The following METTL6 variants were observed in gnomAD, a reference collection of about 807,000 sequenced individuals.
METTL6 encodes the protein tRNA N(3)-cytidine methyltransferase METTL6.
In METTL6, 22 loss-of-function variants were observed where a neutral mutation model predicts 26.4. The ratio of observed to expected loss-of-function variants is 0.83; its 90% CI spans 0.59 to 1.19. The LOEUF is 1.19. Among genes scored for constraint, METTL6 ranks in the 50% most tolerant of loss-of-function variants. METTL6 has a pLI of 0.00. For synonymous variants in METTL6, 109 were observed against 116.2 expected (o/e 0.94, Z 0.40); for missense variants, 304 against 324.8 (o/e 0.94, Z 0.49).
intron 3 of METTL6, among the ~76,000 whole-genome samples, chr3:15,422,731 T>C (rs1044182851): frequency 3.9e-5 from 6 of 152,226 alleles, no homozygotes; most frequent in African/African-American, 1.4e-4. Flanking sequence ...ATACTTGCAA[T>C]GTCACCAAAG....
Position 15,415,812 on chromosome 3 carries a change from T to A in METTL6, c.491A>T (p.His164Leu), listed in dbSNP as rs1700179685. 6.2e-7 allele frequency: 1 copy of A among 1,614,012 alleles called. No homozygotes were observed. Among genetic ancestry groups the A allele is most frequent in the Non-Finnish European group, 8.5e-7 (1 of 1,180,026 alleles). ...TAAGACAAGGTGCATCTTATCAGGA[T>A]GAACAGCTGACAGCACAAATATCAA... ...VMLIFVLSAV[H>L]PDKMHLVLQN... The change falls in exon 4 of 6, where the codon CAT becomes CTT. Residue 164 changes from histidine to leucine, a missense_variant. Physicochemically the swap from His to Leu is moderately conservative, Grantham distance 99 (BLOSUM62 -3). Coordinates refer to ENST00000383790, the MANE Select transcript of METTL6 (RefSeq NM_152396.4).
Position 15,426,649 on chromosome 3 carries a change from A to C in METTL6, c.-124-14T>G, listed in dbSNP as rs1370652623. ...CAGCACAGGGGGCTTCGCAGAGAAA[A>C]GAATTAGATTCTGGTTAGTGGTTAC... On this transcript the variant is annotated splice_polypyrimidine_tract_variant and intron_variant, in intron 1 of 5. Coordinates refer to ENST00000383790, the MANE Select transcript of METTL6 (RefSeq NM_152396.4). 1 of 738,396 alleles carries C rather than the reference A, an allele frequency of 1.4e-6. No individual in the cohort carries two copies. The highest frequency in any genetic ancestry group is 1.8e-5 in the African/African-American group (1 of 56,538). 45.7% of individuals were successfully genotyped at this position (738,396 alleles called of 1,614,324 possible).
downstream of METTL6, among the ~76,000 whole-genome samples, chr3:15,409,744 G>T (rs1273602261): frequency 6.6e-6 from 1 of 152,178 alleles, no homozygotes; most frequent in Admixed American, 6.5e-5. Flanking sequence ...TCAACAATCA[G>T]ATATGGAGCC....
At position 15,410,291 on chromosome 3, in the gene METTL6, G is replaced by A. The variant is rs944535437; in HGVS notation, c.*965C>T. 1.3e-5 allele frequency among the ~76,000 whole-genome samples: 2 copies of A among 151,870 alleles called. No homozygotes were observed. Among genetic ancestry groups the A allele is most frequent in the South Asian group, 2.1e-4 (1 of 4,824 alleles). On this transcript the variant is annotated 3_prime_UTR_variant, in exon 6 of 6. Coordinates refer to ENST00000383790, the MANE Select transcript of METTL6 (RefSeq NM_152396.4). ...AAAAGAACAACTTTAACAATATACC[G>A]TAATAAAAGTTATGTGAATGTGATC...
At chr3:15,408,145 T>A (rs914432736), downstream of METTL6, among the ~76,000 whole-genome samples, 1 of 152,176 alleles carries the variant, frequency 6.6e-6, no homozygotes, top group East Asian at 1.9e-4. Context: ...ATTTTAAAAA[T>A]AGAAGAAAAA....
chr3:15,427,501 A>G lies in METTL6; in HGVS notation c.-224T>C, dbSNP rs539896651. ...GGACCACGAATTCGGATTATCCGGGAGTTCTTTTGCCATGGCACCGCCCCC... is the reference window on the plus strand; with the variant it reads ...GGACCACGAATTCGGATTATCCGGGGGTTCTTTTGCCATGGCACCGCCCCC... On this transcript the variant is annotated 5_prime_UTR_variant, in exon 1 of 6. Transcript: ENST00000383790. 9 of 498,674 alleles carry G rather than the reference A, an allele frequency of 1.8e-5. No individual in the cohort carries two copies. The highest frequency in any genetic ancestry group is 1.8e-4 in the African/African-American group (9 of 50,018). The allele number at this position is 498,674 out of a possible 1,614,324, so 30.9% of individuals were successfully genotyped here.
At chr3:15,414,357 C>CTT (rs72324883) in intron 4 of METTL6, 195 bp from the exon 5 acceptor site, 754 of 1,115,846 alleles carry the variant, frequency 6.8e-4, no homozygotes, top group South Asian at 1.8e-3. Context: ...TAAGACACTT[C>CTT]TTTTTTTTTT....
exon 7 of METTL6, chr3:15,383,254 T>C (rs1440783019): frequency 6.6e-6 from 1 of 152,228 alleles, no homozygotes; most frequent in Non-Finnish European, 1.5e-5. Context: ...TAAGTTTTTA[T>C]TCCATTTCTC....
At chr3:15,397,520 G>A (rs1699524363) in intron 6 of METTL6, among the ~76,000 whole-genome samples, 1 of 152,080 alleles carries the variant, frequency 6.6e-6, no homozygotes, top group Non-Finnish European at 1.5e-5. Context: ...AATCCCCAGT[G>A]AGATGCACCC....
At chr3:15,383,237 C>A (rs936435187) in exon 7 of METTL6, 3 of 152,158 alleles carry the variant, frequency 2.0e-5, no homozygotes, top group Non-Finnish European at 2.9e-5. Flanking sequence ...CCAAGGAAAA[C>A]AATTACTAAG....
rs530191034 is a variant in METTL6, at chr3:15,395,443, CTCTT to C, written c.*12-11260_*12-11257del. ...AATACAGCAGACTGATGGGTCTTGA[CTCTT>C]TATCCAATTTGCCACTCTGGGTCTT... On this transcript the variant is annotated intron_variant, in intron 6 of 6. Transcript: ENST00000443029. Among the ~76,000 whole-genome samples, 56 of 152,278 alleles carry C rather than the reference CTCTT, an allele frequency of 3.7e-4. 1 individual carries two copies. In the South Asian group the frequency reaches 0.011, roughly 31 times the overall value.
intron 3 of METTL6, among the ~76,000 whole-genome samples, chr3:15,422,168 AT>A (rs1249400296): frequency 5.9e-5 from 9 of 151,888 alleles, no homozygotes; most frequent in African/African-American, 1.9e-4. Context: ...CTACAAAAAA[AT>A]AAAACAATTA....
rs898803995 is a variant in METTL6 at position 15,413,658 on chromosome 3, T to C, written c.673+363A>G. On this transcript the variant is annotated intron_variant, in intron 5 of 5. Transcript: ENST00000383790. ...CTGACTTTGTGCCATGGGAAAGTAA[T>C]CTCAAGGCATTATACTGTCAAATTT... 2.5e-6 allele frequency: 3 copies of C among 1,187,504 alleles called. No homozygotes were observed. In the African/African-American group the frequency reaches 4.8e-5, roughly 19 times the overall value. 73.6% of individuals were successfully genotyped at this position (1,187,504 alleles called of 1,614,324 possible). A position where few individuals can be genotyped will look rare whatever the true frequency, so the allele number is the denominator to read the frequency against.
intron 2 of METTL6, 86 bp from the exon 3 acceptor site, chr3:15,425,175 G>A (rs1156457662): frequency 2.1e-6 from 3 of 1,418,090 alleles, no homozygotes; most frequent in Non-Finnish European, 2.9e-6. Context: ...AATATGAGAG[G>A]TCTCCGACCC....
Position 15,395,769 on chromosome 3 carries a change from G to T in METTL6, c.*12-11582C>A, listed in dbSNP as rs1217795128. ...TCACTTATGAAGTTTAGTTTGGCTGGATATGAAATTCTGGGTTGAAAATTC... is the reference window on the plus strand; with the variant it reads ...TCACTTATGAAGTTTAGTTTGGCTGTATATGAAATTCTGGGTTGAAAATTC... On this transcript the variant is annotated intron_variant, in intron 6 of 6. Transcript: ENST00000443029. Among the ~76,000 whole-genome samples, 3 of 152,084 alleles carry T rather than the reference G, an allele frequency of 2.0e-5. No homozygotes were observed. The East Asian group carries it at 5.8e-4, about 29-fold the overall frequency.
intron 4 of METTL6, chr3:15,414,385 T>C: frequency 8.1e-7 from 1 of 1,229,398 alleles, no homozygotes; most frequent in African/African-American, 1.6e-5. Context: ...AGATGGAGTC[T>C]TGCTCTGTCG....
intron 6 of METTL6, among the ~76,000 whole-genome samples, chr3:15,399,204 C>A (rs992840640): frequency 6.6e-6 from 1 of 151,672 alleles, no homozygotes; most frequent in Admixed American, 6.6e-5. Flanking sequence ...CTTCCCCTGC[C>A]CCCCCAACCC....
At chr3:15,400,909 T>C (rs756646867) in intron 6 of METTL6, among the ~76,000 whole-genome samples, 2 of 152,216 alleles carry the variant, frequency 1.3e-5, no homozygotes, top group Non-Finnish European at 2.9e-5. Flanking sequence ...TTTGGAGTGA[T>C]GGAGTGCAAT....
At chr3:15,400,522 G>A (rs773028065) in intron 6 of METTL6, among the ~76,000 whole-genome samples, 1 of 152,116 alleles carries the variant, frequency 6.6e-6, no homozygotes, top group Non-Finnish European at 1.5e-5. Context: ...TATCCTTAAA[G>A]AACCCATTCT....
Sources: allele counts gnomAD v4.1 joint callset (sites outside exome capture counted in the v4.1 genomes callset), GRCh38; gene constraint gnomAD v4.1.1; transcripts MANE v1.5; gene names NCBI Gene and HGNC (gene_info 2026-07-23, HGNC 2026-07-21).